The following LRRC7 variants were observed in gnomAD, a reference collection of about 807,000 sequenced individuals.
LRRC7 encodes the protein leucine rich repeat containing 7.
In LRRC7, 23 loss-of-function variants were observed where a neutral mutation model predicts 175.7. The ratio of observed to expected loss-of-function variants is 0.13; its 90% CI spans 0.09 to 0.19. The LOEUF (loss-of-function observed/expected upper bound fraction) is 0.19. Ranked by LOEUF, LRRC7 falls within the 10% of genes least tolerant of loss-of-function variation. LRRC7 has a pLI of 1.00. For synonymous variants in LRRC7, 685 were observed against 680.9 expected (o/e 1.01, Z -0.09); for missense variants, 1,354 against 1,904.7 (o/e 0.71, Z 5.38).
intron 1 of LRRC7, among the ~76,000 whole-genome samples, chr1:69,654,786 G>T (rs537542054): frequency 6.6e-6 from 1 of 152,210 alleles, no homozygotes; most frequent in East Asian, 1.9e-4. Flanking sequence ...AGTTAATAAT[G>T]AATATGGCAA....
intron 6 of LRRC7, among the ~76,000 whole-genome samples, chr1:69,835,357 TTACA>T (rs2101333449): frequency 6.6e-6 from 1 of 151,930 alleles, no homozygotes; most frequent in Admixed American, 6.6e-5. Flanking sequence ...CATAGAATTC[TTACA>T]TATAAATATG....
intron 2 of LRRC7, among the ~76,000 whole-genome samples, chr1:69,741,184 T>C (rs1668668743): frequency 6.6e-6 from 1 of 151,932 alleles, no homozygotes; most frequent in Admixed American, 6.6e-5. Flanking sequence ...GCTCCTAATC[T>C]ATACTGGCAG....
chr1:69,678,826 G>A (rs1411911597), intron 2 of LRRC7, among the ~76,000 whole-genome samples: 1 of 152,094 alleles, frequency 6.6e-6, no homozygotes, highest in Non-Finnish European at 1.5e-5. Context: ...CTTTTGAAAT[G>A]TATCTAAAGT....
intron 2 of LRRC7, among the ~76,000 whole-genome samples, chr1:69,678,846 C>A (rs902208177): frequency 2.0e-5 from 3 of 152,096 alleles, no homozygotes; most frequent in Non-Finnish European, 4.4e-5. Flanking sequence ...TCAACACTTT[C>A]CAGTTTCCAT....
At chr1:70,053,191 T>G in intron 23 of LRRC7, 46 bp downstream of exon 23, 1 of 1,496,730 alleles carries the variant, frequency 6.7e-7, no homozygotes, top group Middle Eastern at 1.8e-4. Context: ...CCTTGCACAA[T>G]CTACTGCAAT....
rs571362197 is a variant in LRRC7, at chr1:69,880,588, G to A, written c.647+42305G>A. Among the ~76,000 whole-genome samples, 133 of 152,220 alleles carry A rather than the reference G, an allele frequency of 8.7e-4. 2 individuals are homozygous for A. Among genetic ancestry groups the A allele is most frequent in the African/African-American group, 3.0e-3 (123 of 41,552 alleles). ...CTATGTTTCTCTAAGTAGCCTTTAT[G>A]AAAATATCATGGGAGTGAATACGAA... is the stretch of plus-strand genomic sequence containing the variant. On this transcript the variant is annotated intron_variant, in intron 7 of 26. Transcript: ENST00000651989.
chr1:69,729,114 C>T lies in LRRC7; in HGVS notation c.101-31077C>T, dbSNP rs541608804. Among the ~76,000 whole-genome samples, 26 of 152,242 alleles carry T rather than the reference C, an allele frequency of 1.7e-4. 1 individual carries two copies. The South Asian group carries it at 5.2e-3, about 30-fold the overall frequency. On this transcript the variant is annotated intron_variant, in intron 2 of 26. Transcript: ENST00000651989. ...CAAGAGCAGCACAAGGGGGTAACCG[C>T]CCTCATGATTCCATTACCTCCCACT...
At chr1:69,854,345 AT>A in intron 7 of LRRC7, among the ~76,000 whole-genome samples, 1 of 152,108 alleles carries the variant, frequency 6.6e-6, no homozygotes. Flanking sequence ...AAAAAAATAA[AT>A]TTAAAAATTA....
intron 7 of LRRC7, among the ~76,000 whole-genome samples, chr1:69,910,991 C>T (rs1017524904): frequency 2.3e-4 from 35 of 152,204 alleles, no homozygotes; most frequent in Non-Finnish European, 1.5e-5. Flanking sequence ...GGGCATAGGA[C>T]CCTCCGAGTC....
At chr1:69,810,822 A>G (rs990717443) in intron 4 of LRRC7, among the ~76,000 whole-genome samples, 4 of 152,186 alleles carry the variant, frequency 2.6e-5, no homozygotes, top group Non-Finnish European at 5.9e-5. Context: ...TAAAAACCCT[A>G]GAAGAAAACC....
At chr1:69,795,170 G>A (rs1463783304) in intron 4 of LRRC7, among the ~76,000 whole-genome samples, 2 of 152,016 alleles carry the variant, frequency 1.3e-5, no homozygotes, top group African/African-American at 4.8e-5. Flanking sequence ...TCGTGAGGTC[G>A]GGAGTTTGAG....
At chr1:69,726,903 T>G (rs146753731) in intron 2 of LRRC7, among the ~76,000 whole-genome samples, 1 of 152,266 alleles carries the variant, frequency 6.6e-6, no homozygotes, top group East Asian at 1.9e-4. Flanking sequence ...TTTATAACCA[T>G]GTAGGTTAAG....
intron 4 of LRRC7, among the ~76,000 whole-genome samples, chr1:69,809,447 C>G (rs1229423272): frequency 2.0e-5 from 3 of 152,052 alleles, no homozygotes; most frequent in Non-Finnish European, 4.4e-5. Flanking sequence ...ATCCTGATAC[C>G]AAAACCTGGC....
At chr1:70,062,783 A>T (rs1661682215) in intron 23 of LRRC7, among the ~76,000 whole-genome samples, 1 of 152,104 alleles carries the variant, frequency 6.6e-6, no homozygotes, top group Admixed American at 6.6e-5. Context: ...GAGCTAGGAT[A>T]ATATATTTCT....
intron 17 of LRRC7, among the ~76,000 whole-genome samples, chr1:70,024,306 T>C (rs1657849129): frequency 6.6e-6 from 1 of 150,784 alleles, no homozygotes; most frequent in Non-Finnish European, 1.5e-5. Flanking sequence ...ACATAATATA[T>C]TATAATATAT....
chr1:69,942,295 G>C (rs1454348298), intron 8 of LRRC7, among the ~76,000 whole-genome samples: 4 of 152,048 alleles, frequency 2.6e-5, no homozygotes, highest in Non-Finnish European at 4.4e-5. Flanking sequence ...AAATGCCTGG[G>C]TCCATTCAAT....
chr1:69,710,634 T>C (rs1351775147), intron 2 of LRRC7, among the ~76,000 whole-genome samples: 1 of 152,166 alleles, frequency 6.6e-6, no homozygotes, highest in East Asian at 1.9e-4. Flanking sequence ...AATTAAAATG[T>C]AGTAAAGTGG....
chr1:69,730,327 G>A (rs567275404), intron 2 of LRRC7, among the ~76,000 whole-genome samples: 2 of 152,248 alleles, frequency 1.3e-5, no homozygotes, highest in African/African-American at 4.8e-5. Flanking sequence ...TTACAGCGTT[G>A]TCAGGCTGCA....
intron 7 of LRRC7, among the ~76,000 whole-genome samples, chr1:69,885,456 G>T (rs922559086): frequency 1.4e-5 from 2 of 142,438 alleles, no homozygotes; most frequent in African/African-American, 5.6e-5. Context: ...TGGGATCGGT[G>T]GTGATATCCC....
Sources: allele counts gnomAD v4.1 joint callset (sites outside exome capture counted in the v4.1 genomes callset), GRCh38; gene constraint gnomAD v4.1.1; transcripts MANE v1.5; gene names NCBI Gene and HGNC (gene_info 2026-07-23, HGNC 2026-07-21).